Variants in CAMK1D observed in about 807,000 individuals in gnomAD.
CAMK1D encodes calcium/calmodulin-dependent protein kinase type 1D.
In CAMK1D, 9 loss-of-function variants were observed where a neutral mutation model predicts 47.7. That is an observed-to-expected ratio of 0.19 (90% CI 0.11 to 0.33). The LOEUF is 0.33. CAMK1D is among the 10% of genes least tolerant of loss of function. The pLI, the probability that CAMK1D is intolerant of heterozygous loss-of-function variation, is 1.00. For missense variants in CAMK1D, 291 were observed against 488.7 expected (o/e 0.60, Z 3.81); for synonymous variants, 184 against 184.9 (o/e 0.99, Z 0.04).
At chr10:12,573,873 A>G (rs1837408234) in intron 2 of CAMK1D, among the ~76,000 whole-genome samples, 1 of 105,822 alleles carries the variant, frequency 9.4e-6, no homozygotes, top group African/African-American at 3.7e-5. Context: ...ATGGGGTCTC[A>G]CTCTGCTACC....
At chr10:12,719,062 C>T (rs1018734407) in intron 3 of CAMK1D, among the ~76,000 whole-genome samples, 5 of 152,254 alleles carry the variant, frequency 3.3e-5, no homozygotes, top group Admixed American at 6.5e-5. Context: ...AGACAAGGTA[C>T]GACAATTACA....
intron 2 of CAMK1D, among the ~76,000 whole-genome samples, chr10:12,611,261 C>A (rs1838610634): frequency 1.3e-5 from 2 of 152,084 alleles, no homozygotes; most frequent in South Asian, 4.2e-4. Context: ...CCGGAAGACT[C>A]CACCTCCACT....
intron 3 of CAMK1D, among the ~76,000 whole-genome samples, chr10:12,733,438 C>T (rs1834985820): frequency 6.6e-6 from 1 of 152,196 alleles, no homozygotes; most frequent in Non-Finnish European, 1.5e-5. Flanking sequence ...AGGTGGATGT[C>T]ATTAAAAGCA....
At chr10:12,502,647 C>T (rs759964650) in intron 1 of CAMK1D, among the ~76,000 whole-genome samples, 2 of 152,240 alleles carry the variant, frequency 1.3e-5, no homozygotes, top group African/African-American at 4.8e-5. Context: ...AGCCCGGGCC[C>T]TCGGACACCA....
In CAMK1D at chr10:12,732,759, C is replaced by T. The variant is rs187704177; in HGVS notation, c.300-28189C>T. 1.2e-3 allele frequency among the ~76,000 whole-genome samples: 173 copies of T among 146,982 alleles called. 1 individual carries two copies. The Middle Eastern group carries it at 0.025, about 21-fold the overall frequency. On this transcript the variant is annotated intron_variant, in intron 3 of 10. Coordinates refer to ENST00000619168, the MANE Select transcript of CAMK1D (RefSeq NM_153498.4). ...GATTTGGGTGGGGACACAGCCAAACCCTATCAATCTGGTTCACAGCAACAA... is the reference window on the plus strand; with the variant it reads ...GATTTGGGTGGGGACACAGCCAAACTCTATCAATCTGGTTCACAGCAACAA...
chr10:12,798,710 C>T (rs1284102885), intron 6 of CAMK1D, among the ~76,000 whole-genome samples: 1 of 152,164 alleles, frequency 6.6e-6, no homozygotes, highest in African/African-American at 2.4e-5. Flanking sequence ...AGATGCCATT[C>T]AATTAGAAAC....
At chr10:12,566,461 C>T (rs1190366072) in intron 2 of CAMK1D, among the ~76,000 whole-genome samples, 2 of 152,170 alleles carry the variant, frequency 1.3e-5, no homozygotes, top group South Asian at 2.1e-4. Flanking sequence ...TGACTAAACT[C>T]CTGTGAAAAC....
At chr10:12,801,747 C>G (rs11595099) in intron 6 of CAMK1D, among the ~76,000 whole-genome samples, 2 of 152,072 alleles carry the variant, frequency 1.3e-5, no homozygotes, top group Admixed American at 6.6e-5. Flanking sequence ...CATCACCTGT[C>G]TGTATATCTA....
intron 4 of CAMK1D, among the ~76,000 whole-genome samples, chr10:12,766,208 G>A (rs1395202802): frequency 2.0e-5 from 3 of 151,602 alleles, no homozygotes; most frequent in Non-Finnish European, 2.9e-5. Context: ...CAGGTGATCC[G>A]CCTGCCTCAG....
chr10:12,419,984 G>A, intron 1 of CAMK1D, among the ~76,000 whole-genome samples: 1 of 150,624 alleles, frequency 6.6e-6, no homozygotes. Context: ...TCTTGAGACA[G>A]AGTCTTGCTC....
chr10:12,483,821 A>C (rs1834134300), intron 1 of CAMK1D, among the ~76,000 whole-genome samples: 1 of 152,002 alleles, frequency 6.6e-6, no homozygotes, highest in Non-Finnish European at 1.5e-5. Context: ...CTAGTAGCTG[A>C]GATTACAGGC....
intron 3 of CAMK1D, among the ~76,000 whole-genome samples, chr10:12,718,095 CT>C (rs1206039922): frequency 1.3e-5 from 2 of 152,018 alleles, no homozygotes; most frequent in African/African-American, 4.8e-5. Context: ...TTCTACCATT[CT>C]TTTCTGACCC....
intron 1 of CAMK1D, among the ~76,000 whole-genome samples, chr10:12,547,682 T>TCTCTCTCTCACACACACACACA (rs10643491): frequency 3.4e-5 from 4 of 116,576 alleles, no homozygotes; most frequent in African/African-American, 1.5e-4. Flanking sequence ...TTTCTCTCTC[T>TCTCTCTCTCACACACACACACA]CACACACACA....
Position 12,732,991 on chromosome 10 carries a change from A to C in CAMK1D, c.300-27957A>C, listed in dbSNP as rs146056745. On this transcript the variant is annotated intron_variant, in intron 3 of 10. Transcript: ENST00000619168. The stretch of plus-strand genomic sequence containing the variant: ...AAAGACAGAGCAGTTCTGAGGGTTA[A>C]ATAAGATAATGTACAAAAAAATGTT... 9.5e-4 allele frequency among the ~76,000 whole-genome samples: 145 copies of C among 152,302 alleles called. 1 individual carries two copies. Among genetic ancestry groups the C allele is most frequent in the African/African-American group, 3.4e-3 (142 of 41,558 alleles).
intron 1 of CAMK1D, chr10:12,415,814 C>CT (rs1457268191): frequency 1.4e-5 from 1 of 71,036 alleles, no homozygotes; most frequent in Non-Finnish European, 2.9e-5. Context: ...TTTTTTTTTT[C>CT]TTTTTTTCTG....
intron 1 of CAMK1D, among the ~76,000 whole-genome samples, chr10:12,364,381 A>G (rs3013019): frequency 2.1e-3 from 310 of 150,990 alleles, no homozygotes; most frequent in African/African-American, 7.1e-3. Context: ...AGCTGGGATT[A>G]GAGGCACGCA....
At chr10:12,817,383 G>A (rs536321058) in intron 8 of CAMK1D, among the ~76,000 whole-genome samples, 6 of 152,036 alleles carry the variant, frequency 3.9e-5, no homozygotes, top group Admixed American at 1.3e-4. Context: ...GATGCTTTTC[G>A]AATTTGTGTT....
At chr10:12,659,812 T>C (rs1463385227) in intron 2 of CAMK1D, among the ~76,000 whole-genome samples, 1 of 152,168 alleles carries the variant, frequency 6.6e-6, no homozygotes, top group Non-Finnish European at 1.5e-5. Context: ...AGAGTGACAA[T>C]GGTGGGTAGT....
chr10:12,804,431 T>G (rs1838624116), intron 6 of CAMK1D, among the ~76,000 whole-genome samples: 1 of 151,704 alleles, frequency 6.6e-6, no homozygotes, highest in Admixed American at 6.6e-5. Context: ...CTGGTCAATG[T>G]GGTGAAACCC....
Sources: gnomAD v4.1 joint callset for allele counts (sites outside exome capture counted in the v4.1 genomes callset) on GRCh38, gnomAD v4.1.1 for gene constraint, MANE v1.5 for transcripts, NCBI Gene and HGNC (gene_info 2026-07-23, HGNC 2026-07-21) for gene names.